TEC: variants seen among roughly 807,000 people sequenced by gnomAD.
The protein encoded by TEC is tyrosine-protein kinase Tec.
TEC carries 72 observed loss-of-function variants against 93.0 expected under a neutral mutation model. The observed-to-expected ratio is 0.77, with a 90% CI of 0.64 to 0.94. TEC has a LOEUF of 0.94. Among genes scored for constraint, TEC ranks in the 40% least tolerant of loss-of-function variants. TEC has a pLI of 0.00. For synonymous variants in TEC, 249 were observed against 247.7 expected, an observed-to-expected ratio of 1.01 and a Z score of -0.05; for missense variants, 630 against 757.9, an observed-to-expected ratio of 0.83 and a Z score of 1.98.
intron 1 of TEC, among the ~76,000 whole-genome samples, chr4:48,229,741 C>T (rs535116271): frequency 6.6e-6 from 1 of 150,772 alleles, no homozygotes; most frequent in East Asian, 2.0e-4. Context: ...CACCACTGCA[C>T]TCCAGCCTGG....
At chr4:48,262,538 C>G (rs1165609495) in intron 1 of TEC, among the ~76,000 whole-genome samples, 2 of 152,046 alleles carry the variant, frequency 1.3e-5, no homozygotes, top group African/African-American at 4.8e-5. Flanking sequence ...CCAAAATTGT[C>G]TGGAAAATTC....
chr4:48,266,127 T>C (rs895599345), intron 1 of TEC, among the ~76,000 whole-genome samples: 2 of 152,204 alleles, frequency 1.3e-5, no homozygotes, highest in Non-Finnish European at 1.5e-5. Context: ...AGTCAAACTA[T>C]CAATTGTCAG....
At chr4:48,137,546 C>CA (rs779501541) in intron 17 of TEC, 47 bp from the exon 18 acceptor site, 1 of 1,517,670 alleles carries the variant, frequency 6.6e-7, no homozygotes, top group Admixed American at 1.7e-5. Context: ...GAATCCATTC[C>CA]ACAAAACCTC....
intron 2 of TEC, among the ~76,000 whole-genome samples, chr4:48,178,103 G>T (rs960781088): frequency 1.3e-5 from 2 of 152,128 alleles, no homozygotes; most frequent in African/African-American, 2.4e-5. Context: ...TTCATGCCTG[G>T]CTATGGAAGG....
chr4:48,192,799 C>T (rs1722138283), intron 2 of TEC, among the ~76,000 whole-genome samples: 1 of 152,194 alleles, frequency 6.6e-6, no homozygotes, highest in African/African-American at 2.4e-5. Context: ...ATTTGATTCA[C>T]TCAGTCTTAA....
intron 2 of TEC, among the ~76,000 whole-genome samples, chr4:48,195,027 T>G (rs1393997071): frequency 6.6e-6 from 1 of 152,240 alleles, no homozygotes; most frequent in East Asian, 1.9e-4. Context: ...AAGGAAGTTC[T>G]GTTGATATTT....
intron 2 of TEC, among the ~76,000 whole-genome samples, chr4:48,216,272 C>T (rs1412438698): frequency 6.6e-6 from 1 of 150,910 alleles, no homozygotes; most frequent in African/African-American, 2.4e-5. Context: ...AAACTGTATA[C>T]AGGTCTATAC....
At chr4:48,158,309 A>G (rs1720482426) in intron 8 of TEC, among the ~76,000 whole-genome samples, 1 of 152,228 alleles carries the variant, frequency 6.6e-6, no homozygotes, top group Non-Finnish European at 1.5e-5. Context: ...AGACTGTTAG[A>G]TATTTTATTT....
intron 2 of TEC, among the ~76,000 whole-genome samples, chr4:48,194,695 C>T (rs1471710576): frequency 2.0e-5 from 3 of 152,156 alleles, no homozygotes; most frequent in Non-Finnish European, 4.4e-5. Context: ...ACCATAATAA[C>T]ACCCACAAGA....
chr4:48,213,686 T>C (rs1287671405), intron 2 of TEC, among the ~76,000 whole-genome samples: 1 of 152,246 alleles, frequency 6.6e-6, no homozygotes, highest in Non-Finnish European at 1.5e-5. Flanking sequence ...TAAATTGTCA[T>C]GTGATTTCTT....
intron 2 of TEC, among the ~76,000 whole-genome samples, chr4:48,217,517 T>C (rs1723121796): frequency 6.6e-6 from 1 of 152,226 alleles, no homozygotes; most frequent in African/African-American, 2.4e-5. Context: ...GAGAATAGAC[T>C]ACACTGATTT....
chr4:48,229,832 G>A (rs1443528997), intron 1 of TEC, among the ~76,000 whole-genome samples: 1 of 151,832 alleles, frequency 6.6e-6, no homozygotes, highest in Non-Finnish European at 1.5e-5. Context: ...CCAGCACTTT[G>A]GGAGGCCGAG....
chr4:48,144,612 G>A (rs1432967138), intron 14 of TEC, among the ~76,000 whole-genome samples: 1 of 152,176 alleles, frequency 6.6e-6, no homozygotes, highest in African/African-American at 2.4e-5. Flanking sequence ...TTTTCCCAGT[G>A]ATTTGAGAGA....
chr4:48,205,904 A>G (rs575229268), intron 2 of TEC, among the ~76,000 whole-genome samples: 98 of 152,340 alleles, frequency 6.4e-4, no homozygotes, highest in African/African-American at 2.3e-3. Context: ...TATCGGTTCT[A>G]TTTCCAGTAG....
intron 15 of TEC, among the ~76,000 whole-genome samples, chr4:48,140,024 T>C (rs968443571): frequency 1.3e-5 from 2 of 152,234 alleles, no homozygotes; most frequent in African/African-American, 2.4e-5. Context: ...CATATGAAGA[T>C]TGAACAGATG....
intron 2 of TEC, among the ~76,000 whole-genome samples, chr4:48,199,803 C>A (rs1722440230): frequency 1.3e-5 from 2 of 152,084 alleles, no homozygotes; most frequent in South Asian, 4.1e-4. Context: ...AACTTAACAA[C>A]CATGGCAATA....
chr4:48,167,885 A>T lies in TEC; in HGVS notation c.564T>A (p.Tyr188Ter). ...CATGTCCTTCTGCTGCTTGGAAATCATACATGGCTACAACGATTTCTTCAC... is the reference window on the plus strand; with the variant it reads ...CATGTCCTTCTGCTGCTTGGAAATCTTACATGGCTACAACGATTTCTTCAC... ...DNSEEIVVAM[Y>*]DFQAAEGHDL... is the part of the protein sequence containing the mutation. Residue 188 changes from tyrosine to a stop codon, truncating the protein, a stop_gained, in exon 7 of 18, where the codon TAT (tyrosine) becomes TAA (stop). Coordinates refer to ENST00000381501, the MANE Select transcript of TEC (RefSeq NM_003215.3). LOFTEE classifies it high-confidence loss of function. 1 of 1,613,904 alleles carries T rather than the reference A, an allele frequency of 6.2e-7. No homozygotes were observed. Among genetic ancestry groups the T allele is most frequent in the Non-Finnish European group, 8.5e-7 (1 of 1,179,926 alleles).
At chr4:48,233,585 C>CA (rs1419198473) in intron 1 of TEC, among the ~76,000 whole-genome samples, 1 of 148,452 alleles carries the variant, frequency 6.7e-6, no homozygotes, top group East Asian at 2.0e-4. Flanking sequence ...AGAACAAATG[C>CA]AAAAAAAGGG....
chr4:48,161,228 C>A (rs972240094), intron 8 of TEC, among the ~76,000 whole-genome samples: 2 of 152,110 alleles, frequency 1.3e-5, no homozygotes, highest in Non-Finnish European at 2.9e-5. Flanking sequence ...ATAAAACCAA[C>A]CAGTTATACA....
Sources: allele counts gnomAD v4.1 joint callset (sites outside exome capture counted in the v4.1 genomes callset), GRCh38; gene constraint gnomAD v4.1.1; transcripts MANE v1.5; gene names NCBI Gene and HGNC (gene_info 2026-07-23, HGNC 2026-07-21).